Variants in SGMS1 observed in about 807,000 individuals in gnomAD.
SGMS1 encodes sphingomyelin synthase 1, also known as phosphatidylcholine:ceramide cholinephosphotransferase 1.
SGMS1 carries 13 observed loss-of-function variants against 46.2 expected under a neutral mutation model. The observed-to-expected ratio is 0.28, with a 90% CI of 0.18 to 0.45. The LOEUF is 0.45. Among genes scored for constraint, SGMS1 ranks in the 20% least tolerant of loss-of-function variants. The pLI is 1.00. For missense variants in SGMS1, 324 were observed against 519.9 expected (o/e 0.62, Z 3.66); for synonymous variants, 203 against 187.8 (o/e 1.08, Z -0.66).
At chr10:50,601,131 A>G (rs1216049559) in intron 1 of SGMS1, among the ~76,000 whole-genome samples, 1 of 152,232 alleles carries the variant, frequency 6.6e-6, no homozygotes, top group Non-Finnish European at 1.5e-5. Flanking sequence ...GCTGTAGCAG[A>G]AATCCAGGCA....
At chr10:50,368,132 T>A (rs1289910518) in intron 6 of SGMS1, among the ~76,000 whole-genome samples, 1 of 152,216 alleles carries the variant, frequency 6.6e-6, no homozygotes, top group Non-Finnish European at 1.5e-5. Context: ...TATATCCATG[T>A]GATTTTAATG....
chr10:50,605,980 C>G (rs970901511), intron 1 of SGMS1, among the ~76,000 whole-genome samples: 3 of 152,116 alleles, frequency 2.0e-5, no homozygotes, highest in African/African-American at 7.2e-5. Context: ...TTAAGAGACA[C>G]CTTATTTTCT....
intron 7 of SGMS1, among the ~76,000 whole-genome samples, chr10:50,338,493 T>C (rs570023189): frequency 3.9e-5 from 6 of 152,180 alleles, no homozygotes; most frequent in Non-Finnish European, 7.3e-5. Context: ...TTCCCCAAAT[T>C]AGTAAATGCT....
At chr10:50,498,772 G>C (rs536581531) in intron 3 of SGMS1, among the ~76,000 whole-genome samples, 2 of 152,260 alleles carry the variant, frequency 1.3e-5, no homozygotes, top group Non-Finnish European at 2.9e-5. Context: ...GCTATAAACC[G>C]GGGTGTACAA....
At chr10:50,487,557 A>G (rs545946363) in intron 3 of SGMS1, among the ~76,000 whole-genome samples, 43 of 152,278 alleles carry the variant, frequency 2.8e-4, no homozygotes, top group African/African-American at 9.9e-4. Flanking sequence ...ATACTTTTGC[A>G]TATTTTGTAC....
At chr10:50,445,146 A>T (rs937157565) in intron 5 of SGMS1, among the ~76,000 whole-genome samples, 1 of 152,222 alleles carries the variant, frequency 6.6e-6, no homozygotes, top group Admixed American at 6.5e-5. Context: ...AACAACAGGA[A>T]TCTACAAGAT....
At chr10:50,344,402 A>C in intron 6 of SGMS1, 57 bp from the exon 7 acceptor site, 1 of 365,450 alleles carries the variant, frequency 2.7e-6, no homozygotes, top group Non-Finnish European at 4.9e-6. Flanking sequence ...CCCTCTCAAA[A>C]CGCAAAGCCT....
chr10:50,458,881 A>G (rs1166951094), intron 5 of SGMS1, among the ~76,000 whole-genome samples: 1 of 152,210 alleles, frequency 6.6e-6, no homozygotes, highest in Non-Finnish European at 1.5e-5. Flanking sequence ...AAAATCAGAT[A>G]ACATATACTC....
At chr10:50,555,176 A>G (rs1588875614) in intron 2 of SGMS1, among the ~76,000 whole-genome samples, 1 of 152,378 alleles carries the variant, frequency 6.6e-6, no homozygotes. Context: ...CAAGGGAGAC[A>G]AAATTATCTT....
intron 2 of SGMS1, among the ~76,000 whole-genome samples, chr10:50,585,579 G>T (rs575547677): frequency 6.6e-6 from 1 of 152,246 alleles, no homozygotes; most frequent in African/African-American, 2.4e-5. Flanking sequence ...CCATGTGGTT[G>T]GTGCACACGG....
chr10:50,377,253 G>A (rs1056154016), intron 6 of SGMS1, among the ~76,000 whole-genome samples: 30 of 152,328 alleles, frequency 2.0e-4, no homozygotes, highest in African/African-American at 7.0e-4. Context: ...TGACTCACAA[G>A]AGAGAGCCAA....
chr10:50,588,854 C>G (rs957451489), intron 2 of SGMS1, among the ~76,000 whole-genome samples: 1 of 151,800 alleles, frequency 6.6e-6, no homozygotes, highest in African/African-American at 2.4e-5. Flanking sequence ...CTCAGCCTCC[C>G]GAGTAGCTGG....
chr10:50,555,911 G>A (rs565918576), intron 2 of SGMS1, among the ~76,000 whole-genome samples: 7 of 152,308 alleles, frequency 4.6e-5, no homozygotes, highest in African/African-American at 9.6e-5. Context: ...TAAAAGAAAT[G>A]CTTAGTCTTT....
chr10:50,349,931 A>T (rs1428058648), intron 6 of SGMS1, among the ~76,000 whole-genome samples: 1 of 152,212 alleles, frequency 6.6e-6, no homozygotes, highest in Non-Finnish European at 1.5e-5. Flanking sequence ...TGCTGAAAAG[A>T]TATCTGAAAA....
intron 2 of SGMS1, among the ~76,000 whole-genome samples, chr10:50,557,614 G>A (rs1485273247): frequency 1.3e-5 from 2 of 148,852 alleles, no homozygotes; most frequent in African/African-American, 5.0e-5. Context: ...AAAAAAAAAG[G>A]TAAATGTTGT....
intron 1 of SGMS1, among the ~76,000 whole-genome samples, chr10:50,609,373 T>C (rs1185324001): frequency 6.6e-6 from 1 of 152,168 alleles, no homozygotes; most frequent in African/African-American, 2.4e-5. Flanking sequence ...ATTTACAGAA[T>C]TTTTTAATGA....
At chr10:50,392,015 A>G (rs1848776315) in intron 6 of SGMS1, among the ~76,000 whole-genome samples, 1 of 151,936 alleles carries the variant, frequency 6.6e-6, no homozygotes, top group South Asian at 2.1e-4. Context: ...GGAACAACAG[A>G]CACCAGGGCC....
intron 2 of SGMS1, among the ~76,000 whole-genome samples, chr10:50,570,701 A>C (rs1838329585): frequency 6.6e-6 from 1 of 152,224 alleles, no homozygotes; most frequent in Non-Finnish European, 1.5e-5. Context: ...TTTGGAGCCC[A>C]AGGCAGGAGA....
intron 2 of SGMS1, among the ~76,000 whole-genome samples, chr10:50,539,485 G>A (rs566024645): frequency 2.6e-5 from 4 of 152,302 alleles, no homozygotes; most frequent in South Asian, 2.1e-4. Flanking sequence ...GATCCTGTTC[G>A]AAATTTATTA....
Sources: allele counts gnomAD v4.1 joint callset (sites outside exome capture counted in the v4.1 genomes callset), GRCh38; gene constraint gnomAD v4.1.1; transcripts MANE v1.5; gene names NCBI Gene and HGNC (gene_info 2026-07-23, HGNC 2026-07-21).